The following EPHB2 variants were observed in gnomAD, a reference collection of about 807,000 sequenced individuals.
EPHB2 encodes EPH receptor B2, also known as ephrin type-B receptor 2.
Under a neutral mutation model 96.4 loss-of-function variants are expected in EPHB2, and 18 were observed. The ratio of observed to expected loss-of-function variants is 0.19; its 90% CI spans 0.13 to 0.28. EPHB2 has a LOEUF of 0.28. Among genes scored for constraint, EPHB2 ranks in the 10% least tolerant of loss-of-function variants. The pLI, the probability that EPHB2 is intolerant of heterozygous loss-of-function variation, is 1.00. For synonymous variants in EPHB2, 506 were observed against 534.1 expected, an observed-to-expected ratio of 0.95 and a Z score of 0.72; for missense variants, 989 against 1,355.4, an observed-to-expected ratio of 0.73 and a Z score of 4.25.
intron 5 of EPHB2, among the ~76,000 whole-genome samples, chr1:22,878,135 G>A (rs372782037): frequency 6.6e-6 from 1 of 152,348 alleles, no homozygotes; most frequent in East Asian, 1.9e-4. Context: ...TGAAGGTGGT[G>A]TGAATGGAGC....
chr1:22,823,785 C>G (rs1475743582), intron 3 of EPHB2, among the ~76,000 whole-genome samples: 1 of 152,244 alleles, frequency 6.6e-6, no homozygotes, highest in Non-Finnish European at 1.5e-5. Context: ...CTCTGTTTTC[C>G]TTCTCTACCC....
At chr1:22,865,490 G>A (rs1638441586) in intron 5 of EPHB2, among the ~76,000 whole-genome samples, 1 of 152,234 alleles carries the variant, frequency 6.6e-6, no homozygotes, top group Non-Finnish European at 1.5e-5. Context: ...GGAGTGGAAT[G>A]TATTTCTCTC....
At chr1:22,881,256 G>A (rs889757584) in intron 5 of EPHB2, among the ~76,000 whole-genome samples, 1 of 152,126 alleles carries the variant, frequency 6.6e-6, no homozygotes, top group African/African-American at 2.4e-5. Context: ...AAATTAACCA[G>A]GTGTGGTGGT....
At chr1:22,711,371 C>T (rs1432340774) in intron 1 of EPHB2, among the ~76,000 whole-genome samples, 2 of 148,510 alleles carry the variant, frequency 1.3e-5, no homozygotes, top group Non-Finnish European at 3.0e-5. Context: ...CGCCTCGCGC[C>T]GGCCTGGTCT....
intron 9 of EPHB2, among the ~76,000 whole-genome samples, chr1:22,901,820 AGTGTGT>A (rs57503593): frequency 7.4e-5 from 11 of 148,572 alleles, no homozygotes; most frequent in Admixed American, 2.0e-4. Flanking sequence ...TGTGTGTGTG[AGTGTGT>A]GTGTGTGTGT....
chr1:22,879,405 T>G (rs995213071), intron 5 of EPHB2, among the ~76,000 whole-genome samples: 1 of 152,202 alleles, frequency 6.6e-6, no homozygotes, highest in Non-Finnish European at 1.5e-5. Flanking sequence ...AAGCCCGTGA[T>G]GGGCAGACAG....
In EPHB2 at chr1:22,790,050, A is replaced by G. The variant is rs1644669468; in HGVS notation, c.811+4974A>G. ...GGCAAAGTGCTTTGAGAATATGAGGAAAAAGCCATCTTGTATGACTGGGTA... is the reference window on the plus strand; with the variant it reads ...GGCAAAGTGCTTTGAGAATATGAGGGAAAAGCCATCTTGTATGACTGGGTA... On this transcript the variant is annotated intron_variant, in intron 3 of 15. Coordinates refer to ENST00000374630, the MANE Select transcript of EPHB2 (RefSeq NM_017449.5). This position sits in a 1 kb window ranked among gnomAD's most constrained non-coding sequence, Gnocchi z 4.0. Among the ~76,000 whole-genome samples, 1 of 152,116 alleles carries G rather than the reference A, an allele frequency of 6.6e-6. No homozygotes were observed. Among genetic ancestry groups the G allele is most frequent in the South Asian group, 2.1e-4 (1 of 4,818 alleles).
rs1028923633 is a variant in EPHB2, at chr1:22,790,676, G to A, written c.811+5600G>A. On this transcript the variant is annotated intron_variant, in intron 3 of 15. Coordinates refer to ENST00000374630, the MANE Select transcript of EPHB2 (RefSeq NM_017449.5). This position sits in a 1 kb window ranked among gnomAD's most constrained non-coding sequence, Gnocchi z 4.0. ...TAGCCTTCTTTGGGGACCTTGCTCT[G>A]TTCTCTCCCAGTGGCCAACCCGCAT... Among the ~76,000 whole-genome samples, 33 of 152,232 alleles carry A rather than the reference G, an allele frequency of 2.2e-4. No individual in the cohort carries two copies. The highest frequency in any genetic ancestry group is 1.8e-3 in the Admixed American group (27 of 15,286).
chr1:22,858,200 A>G lies in EPHB2; in HGVS notation c.812-4837A>G, dbSNP rs1206333597. On this transcript the variant is annotated intron_variant, in intron 3 of 15. Coordinates refer to ENST00000374630, the MANE Select transcript of EPHB2 (RefSeq NM_017449.5). The surrounding 1 kb of genome is among the most constrained non-coding windows in gnomAD (Gnocchi z 7.7). ...CCTGGAGGTGAGAGCGCATTCGATG[A>G]CCACAGGCAGGAGCGCAGTGAGTGA... Among the ~76,000 whole-genome samples, 1 of 151,468 alleles carries G rather than the reference A, an allele frequency of 6.6e-6. No individual in the cohort carries two copies. Among genetic ancestry groups the G allele is most frequent in the Non-Finnish European group, 1.5e-5 (1 of 67,738 alleles).
chr1:22,828,600 G>A (rs1437174060), intron 3 of EPHB2, among the ~76,000 whole-genome samples: 1 of 152,180 alleles, frequency 6.6e-6, no homozygotes, highest in Non-Finnish European at 1.5e-5. Flanking sequence ...GACGAGGTCA[G>A]ACAACCCAAG....
intron 1 of EPHB2, among the ~76,000 whole-genome samples, chr1:22,732,301 C>T (rs569471074): frequency 1.6e-4 from 20 of 123,752 alleles, no homozygotes; most frequent in South Asian, 7.7e-4. Context: ...CCAAGAGCTG[C>T]GGGGGCCTGG....
At chr1:22,882,615 G>A (rs1354915710) in intron 6 of EPHB2, 132 bp downstream of exon 6, 2 of 1,447,704 alleles carry the variant, frequency 1.4e-6, no homozygotes, top group African/African-American at 2.8e-5. Context: ...TGGCCTTGGA[G>A]TCAGGCTGCC....
At chr1:22,867,841 C>T (rs1179607163) in intron 5 of EPHB2, among the ~76,000 whole-genome samples, 6 of 152,104 alleles carry the variant, frequency 3.9e-5, no homozygotes, top group Non-Finnish European at 8.8e-5. Flanking sequence ...CACTGCACTC[C>T]AGCCTGAATG....
intron 1 of EPHB2, among the ~76,000 whole-genome samples, chr1:22,773,325 C>T (rs11578621): frequency 0.36 from 54,034 of 151,994 alleles, 10,458 homozygotes; most frequent in Middle Eastern, 0.53. Context: ...CCGGGTCAGG[C>T]CTCCAGGCTG....
chr1:22,719,233 G>T (rs1338708295), intron 1 of EPHB2, among the ~76,000 whole-genome samples: 1 of 152,116 alleles, frequency 6.6e-6, no homozygotes, highest in Non-Finnish European at 1.5e-5. Context: ...CCTGAAAGGG[G>T]CAGGAGCCAC....
At chr1:22,856,378 TG>T (rs1430652227) in intron 3 of EPHB2, among the ~76,000 whole-genome samples, 2 of 152,186 alleles carry the variant, frequency 1.3e-5, no homozygotes, top group African/African-American at 4.8e-5. Context: ...CATCCTGCCC[TG>T]GGTTGCCTGG....
intron 5 of EPHB2, among the ~76,000 whole-genome samples, chr1:22,869,033 A>G (rs1476500551): frequency 1.3e-5 from 2 of 152,134 alleles, no homozygotes; most frequent in African/African-American, 4.8e-5. Flanking sequence ...TGGGAAACTC[A>G]GGTCTGAGTA....
chr1:22,912,310 A>G (rs944384795), intron 14 of EPHB2, 134 bp from the exon 15 acceptor site: 12 of 1,279,258 alleles, frequency 9.4e-6, no homozygotes, highest in Middle Eastern at 2.6e-4. Context: ...ACTCACGTAC[A>G]TACCCCTTCA....
intron 5 of EPHB2, among the ~76,000 whole-genome samples, chr1:22,866,800 C>G (rs1026633875): frequency 2.0e-5 from 3 of 152,100 alleles, no homozygotes; most frequent in African/African-American, 7.2e-5. Context: ...CAGGTATGGT[C>G]GCGGGCACCT....
Sources: gnomAD v4.1 joint callset for allele counts (sites outside exome capture counted in the v4.1 genomes callset) on GRCh38, gnomAD v4.1.1 for gene constraint, Gnocchi (gnomAD v3.1) non-coding constraint, MANE v1.5 for transcripts, NCBI Gene and HGNC (gene_info 2026-07-23, HGNC 2026-07-21) for gene names.